The following ASAP1 variants were observed in gnomAD, a reference collection of about 807,000 sequenced individuals.
ASAP1 encodes the protein ArfGAP with SH3 domain, ankyrin repeat and PH domain 1, also known as arf-GAP with SH3 domain, ANK repeat and PH domain-containing protein 1.
Under a neutral mutation model 145.2 loss-of-function variants are expected in ASAP1, and 43 were observed. The ratio of observed to expected loss-of-function variants is 0.30; its 90% CI spans 0.23 to 0.38. ASAP1 has a LOEUF of 0.38. ASAP1 is among the 10% of genes least tolerant of loss of function. The probability of loss-of-function intolerance (pLI) is 1.00; values close to 1 mark genes in which losing one functional copy is unlikely to be tolerated. For missense variants in ASAP1, 1,018 were observed against 1,355.3 expected, an observed-to-expected ratio of 0.75 and a Z score of 3.91; for synonymous variants, 546 against 515.5, an observed-to-expected ratio of 1.06 and a Z score of -0.80.
chr8:130,268,343 C>A (rs1266866487), intron 3 of ASAP1, among the ~76,000 whole-genome samples: 1 of 151,854 alleles, frequency 6.6e-6, no homozygotes, highest in Non-Finnish European at 1.5e-5. Context: ...AAAAATTAGC[C>A]AGGTGTGATA....
intron 3 of ASAP1, among the ~76,000 whole-genome samples, chr8:130,304,138 A>C (rs1254987984): frequency 6.6e-6 from 1 of 152,016 alleles, no homozygotes; most frequent in Non-Finnish European, 1.5e-5. Flanking sequence ...AACTCTACAA[A>C]TTGAATCATT....
intron 24 of ASAP1, among the ~76,000 whole-genome samples, chr8:130,107,515 A>AAATGTATGT (rs1554823935): frequency 2.0e-5 from 2 of 101,708 alleles, no homozygotes; most frequent in Non-Finnish European, 4.2e-5. Context: ...TTTTTTAAAA[A>AAATGTATGT]ATGTATGTAT....
chr8:130,381,122 G>C (rs1028511781), intron 2 of ASAP1, among the ~76,000 whole-genome samples: 21 of 152,168 alleles, frequency 1.4e-4, no homozygotes, highest in Non-Finnish European at 1.9e-4. Flanking sequence ...CGGACCTCAA[G>C]TGATCCACCT....
chr8:130,297,284 C>T (rs549747481), intron 3 of ASAP1, among the ~76,000 whole-genome samples: 2 of 152,170 alleles, frequency 1.3e-5, no homozygotes, highest in African/African-American at 2.4e-5. Context: ...ACTCAAGTCC[C>T]GTAGTCGGCC....
intron 3 of ASAP1, among the ~76,000 whole-genome samples, chr8:130,263,066 C>T (rs181210258): frequency 2.9e-4 from 44 of 152,282 alleles, no homozygotes; most frequent in African/African-American, 8.9e-4. Context: ...TTTACTAATA[C>T]GAATATGAAT....
rs932605963 is a variant in ASAP1, at chr8:130,443,672, T to C, written c.-240A>G. ...CGGCGCAGGAAGGGGCGGGCGACCATGTGCCGAGGGGGAGGAGGCCGCGGC... is the reference window on the plus strand; with the variant it reads ...CGGCGCAGGAAGGGGCGGGCGACCACGTGCCGAGGGGGAGGAGGCCGCGGC... On this transcript the variant is annotated 5_prime_UTR_variant, in exon 1 of 30. It removes an upstream start codon present in the reference 5' UTR. Transcript: ENST00000518721. The C allele has an allele frequency of 2.6e-5, 4 of 152,302 alleles. No individual in the cohort carries two copies. The highest frequency in any genetic ancestry group is 6.6e-5 in the Admixed American group (1 of 15,256). 9.4% of individuals were successfully genotyped at this position (152,302 alleles called of 1,614,324 possible). A position where few individuals can be genotyped will look rare whatever the true frequency, so the allele number is the denominator to read the frequency against.
intron 5 of ASAP1, among the ~76,000 whole-genome samples, chr8:130,210,821 C>T (rs1310463700): frequency 6.6e-6 from 1 of 152,150 alleles, no homozygotes; most frequent in Non-Finnish European, 1.5e-5. Context: ...TGACTGATAG[C>T]TGTCTTTACA....
intron 4 of ASAP1, among the ~76,000 whole-genome samples, chr8:130,224,836 T>C (rs1817499909): frequency 6.6e-6 from 1 of 152,198 alleles, no homozygotes; most frequent in Non-Finnish European, 1.5e-5. Context: ...TCTGGAAAAA[T>C]ATCTTCACAA....
At chr8:130,081,842 A>G (rs1165379048) in intron 25 of ASAP1, among the ~76,000 whole-genome samples, 1 of 152,226 alleles carries the variant, frequency 6.6e-6, no homozygotes, top group East Asian at 1.9e-4. Flanking sequence ...TATTAACAGC[A>G]ACGACCGTTT....
chr8:130,062,882 G>A (rs1041883933), intron 27 of ASAP1, among the ~76,000 whole-genome samples: 1 of 152,164 alleles, frequency 6.6e-6, no homozygotes, highest in Admixed American at 6.5e-5. Context: ...ACTGAGACTG[G>A]AGGATTGCTT....
At chr8:130,059,924 T>TA (rs1037958517) in intron 28 of ASAP1, among the ~76,000 whole-genome samples, 2 of 149,914 alleles carry the variant, frequency 1.3e-5, no homozygotes, top group African/African-American at 2.5e-5. Context: ...CCAAAAATAT[T>TA]AAAAAAAAGC....
At chr8:130,201,042 T>C (rs1379067399) in intron 5 of ASAP1, among the ~76,000 whole-genome samples, 1 of 152,164 alleles carries the variant, frequency 6.6e-6, no homozygotes, top group African/African-American at 2.4e-5. Context: ...AACTTGTTGG[T>C]TATGAAATCC....
intron 3 of ASAP1, among the ~76,000 whole-genome samples, chr8:130,266,926 G>A (rs562681474): frequency 2.6e-5 from 4 of 151,912 alleles, no homozygotes; most frequent in African/African-American, 9.7e-5. Flanking sequence ...TCCTTAAAAT[G>A]AAGCACAGAG....
At chr8:130,408,914 A>G (rs1829147546) in intron 1 of ASAP1, among the ~76,000 whole-genome samples, 2 of 152,206 alleles carry the variant, frequency 1.3e-5, no homozygotes, top group Admixed American at 1.3e-4. Flanking sequence ...ATGGATCATG[A>G]CCAAACACAC....
rs114433631 is a variant in ASAP1, at chr8:130,365,456, G to A, written c.60-7313C>T. On this transcript the variant is annotated intron_variant, in intron 2 of 29. Coordinates refer to ENST00000518721, the MANE Select transcript of ASAP1 (RefSeq NM_018482.4). Reference sequence around the variant, plus strand: ...AAAAAAATCATGGTGTTTTATGGGAGTCCTAAAAACTTGCGATCTATAGGA... The same window carrying A: ...AAAAAAATCATGGTGTTTTATGGGAATCCTAAAAACTTGCGATCTATAGGA... 3.1e-3 allele frequency among the ~76,000 whole-genome samples: 465 copies of A among 152,276 alleles called. 3 individuals carry two copies. Among genetic ancestry groups the A allele is most frequent in the African/African-American group, 9.4e-3 (392 of 41,556 alleles).
rs763682979 is a variant in ASAP1, at chr8:130,358,150, G to A, written c.60-7C>T. On this transcript the variant is annotated splice_polypyrimidine_tract_variant and splice_region_variant and intron_variant, in intron 2 of 29. Coordinates refer to ENST00000518721, the MANE Select transcript of ASAP1 (RefSeq NM_018482.4). The surrounding 1 kb of genome is among the most constrained non-coding windows in gnomAD (Gnocchi z 4.1). Reference sequence around the variant, plus strand: ...AGAGATCTGGTCCGGCATCCTGCCGGGAGGGACGAGACACAAGCGGGGGCG... The same window carrying A: ...AGAGATCTGGTCCGGCATCCTGCCGAGAGGGACGAGACACAAGCGGGGGCG... 2 of 1,600,192 alleles carry A rather than the reference G, an allele frequency of 1.2e-6. No homozygotes were observed. Among genetic ancestry groups the A allele is most frequent in the Middle Eastern group, 1.7e-4 (1 of 5,996 alleles).
intron 24 of ASAP1, among the ~76,000 whole-genome samples, chr8:130,096,043 A>C (rs1336433108): frequency 2.0e-5 from 3 of 152,232 alleles, no homozygotes; most frequent in Non-Finnish European, 2.9e-5. Flanking sequence ...TTATAATCTT[A>C]CACTTGGAAA....
At chr8:130,376,766 G>A (rs1442727179) in intron 2 of ASAP1, among the ~76,000 whole-genome samples, 27 of 151,770 alleles carry the variant, frequency 1.8e-4, no homozygotes, top group Admixed American at 1.6e-3. Context: ...AGCTGGGTGT[G>A]GTGGCAGGCG....
chr8:130,365,607 C>T (rs1194351899), intron 2 of ASAP1, among the ~76,000 whole-genome samples: 1 of 152,190 alleles, frequency 6.6e-6, no homozygotes, highest in Non-Finnish European at 1.5e-5. Context: ...TAATGATGCC[C>T]AACTTCTGTG....
Sources: gnomAD v4.1 joint callset for allele counts (sites outside exome capture counted in the v4.1 genomes callset) on GRCh38, gnomAD v4.1.1 for gene constraint, Gnocchi (gnomAD v3.1) non-coding constraint, MANE v1.5 for transcripts, NCBI Gene and HGNC (gene_info 2026-07-23, HGNC 2026-07-21) for gene names.